HEMGN: variants seen among roughly 807,000 people sequenced by gnomAD.
HEMGN encodes erythroid differentiation-associated gene protein.
A neutral mutation model predicts 45.7 loss-of-function variants in HEMGN; 32 were observed. The ratio of observed to expected loss-of-function variants is 0.70; its 90% confidence interval spans 0.53 to 0.94. The LOEUF (loss-of-function observed/expected upper bound fraction) is 0.94. Ranked by LOEUF, HEMGN falls within the 40% of genes least tolerant of loss-of-function variation. The pLI, the probability that HEMGN is intolerant of heterozygous loss-of-function variation, is 0.00. For synonymous variants in HEMGN, 183 were observed against 178.6 expected (o/e 1.02, Z -0.20); for missense variants, 530 against 564.2 (o/e 0.94, Z 0.61).
chr9:97,927,521 A>G (rs1483090338), intron 3 of HEMGN, 43 bp from the exon 4 acceptor site: 1 of 1,266,400 alleles, frequency 7.9e-7, no homozygotes, highest in Non-Finnish European at 1.1e-6. Flanking sequence ...AATAAATTGT[A>G]TTGGGACAAT....
intron 2 of HEMGN, 61 bp from the exon 3 acceptor site, chr9:97,931,282 A>G: frequency 7.7e-7 from 1 of 1,305,372 alleles, no homozygotes; most frequent in Non-Finnish European, 1.1e-6. Flanking sequence ...AAATGCTTGT[A>G]ATAACAGTGC....
intron 1 of HEMGN, among the ~76,000 whole-genome samples, chr9:97,944,271 C>T (rs974267067): frequency 2.0e-5 from 3 of 152,118 alleles, no homozygotes; most frequent in Non-Finnish European, 4.4e-5. Context: ...AATATATGTT[C>T]CCCCCTAAAA....
chr9:97,927,191 AC>A lies in HEMGN; in HGVS notation c.*192del. On this transcript the variant is annotated 3_prime_UTR_variant, in exon 4 of 4. Transcript: ENST00000616898. ...CATACACACACACACACACACACAC[AC>A]ACACACATTCTAGCATGATATTGTC... The A allele has an allele frequency of 2.2e-6, 1 of 457,966 alleles. No homozygotes were observed. The highest frequency in any genetic ancestry group is 3.9e-6 in the Non-Finnish European group (1 of 256,350). The allele number at this position is 457,966 out of a possible 1,614,324, so 28.4% of individuals were successfully genotyped here. A position where few individuals can be genotyped will look rare whatever the true frequency, so the allele number is the denominator to read the frequency against.
chr9:97,927,864 TG>T (rs1564119526), intron 3 of HEMGN, among the ~76,000 whole-genome samples: 2 of 152,046 alleles, frequency 1.3e-5, no homozygotes, highest in African/African-American at 2.4e-5. Context: ...AAATGTTGAA[TG>T]GGATAAGGAT....
Position 97,930,291 on chromosome 9 carries a change from A to G in HEMGN, c.1104T>C (p.Pro368=), listed in dbSNP as rs1375669814. ...GCCCAGGTATTTCTTGATACGTTTC[A>G]GGTGAATATTTTTCAGACCCAGGAG... ...QETPGSEKYS[P]ETYQEIPGLE... is the part of the protein sequence containing the mutation. Residue 368 remains proline, a synonymous_variant, in exon 3 of 4, where the codon CCT becomes CCC. Coordinates refer to ENST00000616898, the MANE Select transcript of HEMGN (RefSeq NM_197978.3). 1 of 1,613,974 alleles carries G rather than the reference A, an allele frequency of 6.2e-7. No homozygotes were observed. Among genetic ancestry groups the G allele is most frequent in the Non-Finnish European group, 8.5e-7 (1 of 1,179,974 alleles).
At chr9:97,940,949 T>C (rs183156703), upstream of HEMGN, among the ~76,000 whole-genome samples, 1 of 152,302 alleles carries the variant, frequency 6.6e-6, no homozygotes, top group Admixed American at 6.5e-5. Context: ...GAGCTCTTTC[T>C]ACTGTCATTC....
chr9:97,936,838 T>C (rs540142457), intron 1 of HEMGN, among the ~76,000 whole-genome samples: 1 of 152,230 alleles, frequency 6.6e-6, no homozygotes, highest in African/African-American at 2.4e-5. Flanking sequence ...CTTTGCCTTG[T>C]ATATCAAATT....
Position 97,936,274 on chromosome 9 carries a change from A to T in HEMGN, c.80-10T>A. The T allele has an allele frequency of 6.4e-7, 1 of 1,565,936 alleles. No homozygotes were observed. Among genetic ancestry groups the T allele is most frequent in the East Asian group, 2.2e-5 (1 of 44,642 alleles). ...CAGGTTCCAATGACTTCTGTAATAA[A>T]ATGAAAGTGATTAGAAAAAGTGATG... On this transcript the variant is annotated splice_polypyrimidine_tract_variant and intron_variant, in intron 1 of 3. Transcript: ENST00000616898.
rs934016736 is a variant in HEMGN at position 97,938,114 on chromosome 9, G to A, written c.23C>T (p.Ser8Phe). Residue 8 changes from serine to phenylalanine, a missense_variant, in exon 1 of 4, where the codon TCT becomes TTT. Physicochemically the swap from Ser to Phe is radical, Grantham distance 155. Transcript: ENST00000616898. The part of the protein sequence containing the change: MDLGKDQ[S>F]HLKHHQTPDP... ...AGGTGTCTGATGGTGCTTCAAATGAGATTGGTCCTTTCCCAAATCCATCTT... is the reference window on the plus strand; with the variant it reads ...AGGTGTCTGATGGTGCTTCAAATGAAATTGGTCCTTTCCCAAATCCATCTT... The A allele has an allele frequency of 6.2e-7, 1 of 1,612,572 alleles. No homozygotes were observed. The highest frequency in any genetic ancestry group is 8.5e-7 in the Non-Finnish European group (1 of 1,179,024).
chr9:97,936,374 T>A (rs1463444439), intron 1 of HEMGN, 110 bp from the exon 2 acceptor site: 2 of 734,828 alleles, frequency 2.7e-6, no homozygotes, highest in Non-Finnish European at 4.8e-6. Flanking sequence ...TCCTAGCTTT[T>A]TGAGGACAAG....
At position 97,930,742 on chromosome 9, in the gene HEMGN, A is replaced by G. The variant is rs1826931763; in HGVS notation, c.653T>C (p.Met218Thr). The G allele has an allele frequency of 6.2e-7, 1 of 1,614,164 alleles. No individual in the cohort carries two copies. The highest frequency in any genetic ancestry group is 8.5e-7 in the Non-Finnish European group (1 of 1,180,030). Residue 218 changes from methionine (M) to threonine (T), a missense_variant, in exon 3 of 4, where the codon ATG becomes ACG. Met to Thr is a moderately conservative substitution (Grantham distance 81, BLOSUM62 -1). Coordinates refer to ENST00000616898, the MANE Select transcript of HEMGN (RefSeq NM_197978.3). ...TTCTCGTTTAGCCATATCTTGGTACATTTTGAAAGGATGGTCTTGAATTAC... is the reference window on the plus strand; with the variant it reads ...TTCTCGTTTAGCCATATCTTGGTACGTTTTGAAAGGATGGTCTTGAATTAC... ...ISVIQDHPFK[M>T]YQDMAKREDL...
chr9:97,928,451 C>T (rs554443325), intron 3 of HEMGN, among the ~76,000 whole-genome samples: 88 of 152,304 alleles, frequency 5.8e-4, no homozygotes, highest in African/African-American at 2.0e-3. Context: ...TTTCTGGAGG[C>T]TAGTCTGACT....
intron 2 of HEMGN, among the ~76,000 whole-genome samples, chr9:97,934,477 C>T (rs1184182501): frequency 2.1e-5 from 3 of 143,064 alleles, no homozygotes; most frequent in South Asian, 2.3e-4. Context: ...GAGGAGAATA[C>T]CTGGGTTCTG....
At chr9:97,935,200 T>A (rs1293744957) in intron 2 of HEMGN, among the ~76,000 whole-genome samples, 2 of 152,212 alleles carry the variant, frequency 1.3e-5, no homozygotes, top group African/African-American at 4.8e-5. Flanking sequence ...GTATGTGAAC[T>A]TGGTGTTATA....
chr9:97,938,189 A>C, upstream of HEMGN: 1 of 1,146,728 alleles, frequency 8.7e-7, no homozygotes, highest in African/African-American at 1.6e-5. Flanking sequence ...AGCAGCCTAG[A>C]TGCTTTTTTA....
At chr9:97,940,869 G>C (rs984411216), upstream of HEMGN, among the ~76,000 whole-genome samples, 4 of 152,082 alleles carry the variant, frequency 2.6e-5, no homozygotes, top group Non-Finnish European at 5.9e-5. Flanking sequence ...TGCAGCCTGG[G>C]ACAGTAATTT....
rs5899328 is a variant in HEMGN at position 97,932,803 on chromosome 9, C to CA, written c.174-1583dup. 1.8e-3 allele frequency among the ~76,000 whole-genome samples: 159 copies of CA among 87,034 alleles called. 2 individuals carry two copies. Among genetic ancestry groups the CA allele is most frequent in the East Asian group, 9.1e-3 (23 of 2,518 alleles). 57.1% of individuals were successfully genotyped at this position (87,034 alleles called of 152,430 possible). A position where few individuals can be genotyped will look rare whatever the true frequency, so the allele number is the denominator to read the frequency against. Reference sequence around the variant, plus strand: ...TGGGTGACAGAATGAGACTCTGTCTCAAAAAAAAAAAAAAAAAGGAAATCT... The same window carrying CA: ...TGGGTGACAGAATGAGACTCTGTCTCAAAAAAAAAAAAAAAAAAGGAAATCT... On this transcript the variant is annotated intron_variant, in intron 2 of 3. Coordinates refer to ENST00000616898, the MANE Select transcript of HEMGN (RefSeq NM_197978.3).
intron 2 of HEMGN, among the ~76,000 whole-genome samples, chr9:97,934,647 C>A (rs1427005284): frequency 6.6e-6 from 1 of 152,050 alleles, no homozygotes; most frequent in Non-Finnish European, 1.5e-5. Context: ...TAAAATGATA[C>A]ACGTGTTCCT....
chr9:97,936,130 A>G, intron 2 of HEMGN, 41 bp downstream of exon 2: 2 of 1,287,524 alleles, frequency 1.6e-6, no homozygotes, highest in African/African-American at 1.5e-5. Flanking sequence ...AACATCCTCA[A>G]TAAATATATT....
Sources: gnomAD v4.1 joint callset for allele counts (sites outside exome capture counted in the v4.1 genomes callset) on GRCh38, gnomAD v4.1.1 for gene constraint, MANE v1.5 for transcripts, NCBI Gene and HGNC (gene_info 2026-07-23, HGNC 2026-07-21) for gene names.